Variants in RNF169 observed in about 807,000 individuals in gnomAD.
The protein encoded by RNF169 is E3 ubiquitin-protein ligase RNF169.
A neutral mutation model predicts 53.9 loss-of-function variants in RNF169; 24 were observed. That is an observed-to-expected ratio of 0.45 (90% CI 0.32 to 0.63). The LOEUF (loss-of-function observed/expected upper bound fraction) is 0.63. Ranked by LOEUF, RNF169 falls within the 20% of genes least tolerant of loss-of-function variation. The pLI is 0.04. For missense variants in RNF169, 883 were observed against 906.2 expected (o/e 0.97, Z 0.33); for synonymous variants, 396 against 363.5 (o/e 1.09, Z -1.02).
intron 2 of RNF169, among the ~76,000 whole-genome samples, chr11:74,803,563 G>A (rs75468503): frequency 1.8e-3 from 281 of 152,306 alleles, no homozygotes; most frequent in African/African-American, 5.7e-3. Context: ...ACACTCTGGA[G>A]TAGTTACTTA....
intron 1 of RNF169, among the ~76,000 whole-genome samples, chr11:74,782,533 C>T (rs1298234309): frequency 7.2e-5 from 11 of 152,096 alleles, no homozygotes; most frequent in Admixed American, 1.3e-4. Flanking sequence ...CTGCTCCCCC[C>T]GCAACCCCTA....
intron 2 of RNF169, among the ~76,000 whole-genome samples, chr11:74,802,503 C>T (rs2035744693): frequency 6.6e-6 from 1 of 152,052 alleles, no homozygotes; most frequent in African/African-American, 2.4e-5. Context: ...ATTAGCCAGG[C>T]GCGATGGTGC....
At chr11:74,758,415 T>C in intron 1 of RNF169, among the ~76,000 whole-genome samples, 1 of 150,484 alleles carries the variant, frequency 6.6e-6, no homozygotes, top group East Asian at 1.9e-4. Context: ...TGTAGTATAG[T>C]TTGAAGTCAG....
chr11:74,826,010 G>T (rs1354198166), intron 4 of RNF169, among the ~76,000 whole-genome samples: 1 of 152,176 alleles, frequency 6.6e-6, no homozygotes, highest in Non-Finnish European at 1.5e-5. Flanking sequence ...AATGAATGAA[G>T]GGGGAAGAGG....
At chr11:74,794,213 A>T (rs1344279618) in intron 2 of RNF169, among the ~76,000 whole-genome samples, 4 of 152,336 alleles carry the variant, frequency 2.6e-5, no homozygotes, top group Middle Eastern at 6.8e-3. Flanking sequence ...CAACAATGGC[A>T]ATAAGACTAG....
chr11:74,785,339 T>A (rs1049526861), intron 1 of RNF169, among the ~76,000 whole-genome samples: 3 of 146,966 alleles, frequency 2.0e-5, no homozygotes, highest in African/African-American at 7.5e-5. Flanking sequence ...ATATAAAATT[T>A]CCCAAGGCTC....
chr11:74,798,931 G>A (rs1035106453), intron 2 of RNF169, among the ~76,000 whole-genome samples: 4 of 151,962 alleles, frequency 2.6e-5, no homozygotes, highest in African/African-American at 9.7e-5. Flanking sequence ...GTGCATGCTT[G>A]TGGTTTCAGC....
At chr11:74,815,413 G>A (rs535052405) in intron 3 of RNF169, among the ~76,000 whole-genome samples, 8 of 152,068 alleles carry the variant, frequency 5.3e-5, no homozygotes, top group Middle Eastern at 6.8e-3. Flanking sequence ...AAAATTAGCC[G>A]GGTGTGATGG....
chr11:74,816,534 C>T (rs186364534), intron 3 of RNF169, among the ~76,000 whole-genome samples: 14 of 152,156 alleles, frequency 9.2e-5, no homozygotes, highest in Middle Eastern at 3.4e-3. Flanking sequence ...AGTAAAACAA[C>T]GATAAATGAA....
chr11:74,769,834 C>T (rs1381775747), intron 1 of RNF169, among the ~76,000 whole-genome samples: 1 of 152,170 alleles, frequency 6.6e-6, no homozygotes, highest in Non-Finnish European at 1.5e-5. Flanking sequence ...CTCCCTCTGA[C>T]ATCCAGGCTG....
intron 3 of RNF169, among the ~76,000 whole-genome samples, chr11:74,814,459 G>A (rs1405877046): frequency 7.5e-6 from 1 of 133,708 alleles, no homozygotes; most frequent in Non-Finnish European, 1.5e-5. Flanking sequence ...ATAGTTCACT[G>A]TAGCCTCAAG....
chr11:74,833,273 T>C (rs2036206128), intron 4 of RNF169, among the ~76,000 whole-genome samples: 2 of 152,216 alleles, frequency 1.3e-5, no homozygotes, highest in South Asian at 4.1e-4. Context: ...ACAAGTTTTC[T>C]CCAAGCTAAT....
intron 2 of RNF169, chr11:74,808,214 A>T (rs2135114476): frequency 6.6e-6 from 1 of 152,316 alleles, no homozygotes; most frequent in East Asian, 1.9e-4. Flanking sequence ...TAAGAAAAAA[A>T]TAAACTATTT....
Position 74,748,884 on chromosome 11 carries a change from G to A in RNF169, c.4G>A (p.Ala2Thr). M[A>T]AAGPSTRASS... ...CTCCCTTCAAACGGGAAACAAGATGGCGGCTGCAGGTCCGAGTACTCGGGC... is the reference window on the plus strand; with the variant it reads ...CTCCCTTCAAACGGGAAACAAGATGACGGCTGCAGGTCCGAGTACTCGGGC... The change falls in exon 1 of 6, where the codon GCG becomes ACG. Residue 2 changes from alanine to threonine, a missense_variant. Around this residue, in one of 3 missense-constraint regions of RNF169, gnomAD observed 313 missense variants for 279.9 expected, o/e 1.12. Transcript: ENST00000299563. 1 of 1,416,564 alleles carries A rather than the reference G, an allele frequency of 7.1e-7. No homozygotes were observed. Among genetic ancestry groups the A allele is most frequent in the Non-Finnish European group, 9.3e-7 (1 of 1,073,886 alleles). The allele number at this position is 1,416,564 out of a possible 1,614,324, so 87.7% of individuals were successfully genotyped here.
chr11:74,826,737 A>C (rs1439818329), intron 4 of RNF169, among the ~76,000 whole-genome samples: 2 of 152,250 alleles, frequency 1.3e-5, no homozygotes, highest in East Asian at 3.8e-4. Context: ...TACAGGCCCC[A>C]TGCAAGTCTG....
chr11:74,785,007 CTTAT>C (rs2035467626), intron 1 of RNF169, among the ~76,000 whole-genome samples: 2 of 151,672 alleles, frequency 1.3e-5, no homozygotes, highest in Non-Finnish European at 2.9e-5. Flanking sequence ...GCTGTTTTTA[CTTAT>C]TTATTATGGG....
intron 3 of RNF169, among the ~76,000 whole-genome samples, chr11:74,815,936 A>G (rs2035936632): frequency 6.6e-6 from 1 of 152,186 alleles, no homozygotes. Flanking sequence ...TAGAGTTGAG[A>G]AGAGAATATT....
Position 74,835,689 on chromosome 11 carries a change from G to A in RNF169, c.1086G>A (p.Lys362=), listed in dbSNP as rs746638462. 19 of 1,614,112 alleles carry A rather than the reference G, an allele frequency of 1.2e-5. No individual in the cohort carries two copies. Among genetic ancestry groups the A allele is most frequent in the Non-Finnish European group, 1.6e-5 (19 of 1,180,018 alleles). The part of the protein sequence containing the change: ...SSLSSLASLH[K]PERSVSPESN... ...TTTCATCCTTGGCTTCCCTGCATAA[G>A]CCAGAGCGTTCTGTCAGCCCTGAGA... is the stretch of plus-strand genomic sequence containing the variant. The change falls in exon 6 of 6, where the codon AAG becomes AAA. Residue 362 remains lysine (K), a synonymous_variant. Transcript: ENST00000299563.
In RNF169 at chr11:74,795,682, G is replaced by A. The variant is rs190372423; in HGVS notation, c.576+5983G>A. 2.0e-5 allele frequency among the ~76,000 whole-genome samples: 3 copies of A among 151,870 alleles called. No individual in the cohort carries two copies. In the East Asian group the frequency reaches 5.8e-4, roughly 29 times the overall value. ...TTGAGACCAGCCTGAGCAATATAGT[G>A]AGACCCTATCTCTACAAAAAATAAA... On this transcript the variant is annotated intron_variant, in intron 2 of 5. Coordinates refer to ENST00000299563, the MANE Select transcript of RNF169 (RefSeq NM_001098638.2).
Sources: allele counts gnomAD v4.1 joint callset (sites outside exome capture counted in the v4.1 genomes callset), GRCh38; gene constraint gnomAD v4.1.1; regional missense constraint gnomAD v4.1.1; transcripts MANE v1.5; gene names NCBI Gene and HGNC (gene_info 2026-07-23, HGNC 2026-07-21).